The following LYST variants were observed in gnomAD, a reference collection of about 807,000 sequenced individuals.
The protein encoded by LYST is lysosomal-trafficking regulator.
In LYST, 192 loss-of-function variants were observed where a neutral mutation model predicts 413.6. The observed-to-expected ratio is 0.46, with a 90% CI of 0.41 to 0.52. LYST has a LOEUF of 0.52. LYST is among the 20% of genes least tolerant of loss of function. The pLI is 0.00. For missense variants in LYST, 3,815 were observed against 4,499.9 expected (o/e 0.85, Z 4.35); for synonymous variants, 1,525 against 1,567.3 (o/e 0.97, Z 0.64).
intron 1 of LYST, among the ~76,000 whole-genome samples, chr1:235,849,426 A>G (rs755423191): frequency 6.6e-6 from 1 of 152,144 alleles, no homozygotes; most frequent in African/African-American, 2.4e-5. Flanking sequence ...AATGGGGAAA[A>G]GTTGAAAGCA....
intron 1 of LYST, among the ~76,000 whole-genome samples, chr1:235,856,117 C>A (rs1235581430): frequency 6.6e-6 from 1 of 152,072 alleles, no homozygotes; most frequent in African/African-American, 2.4e-5. Context: ...TTCCCTACCA[C>A]ACTGGGTAGT....
At chr1:235,713,985 C>T (rs1290189924) in intron 42 of LYST, among the ~76,000 whole-genome samples, 1 of 152,138 alleles carries the variant, frequency 6.6e-6, no homozygotes, top group Non-Finnish European at 1.5e-5. Flanking sequence ...TCTTGGGCTA[C>T]ATTAAATGAA....
chr1:235,669,768 T>C (rs866711886), intron 50 of LYST, among the ~76,000 whole-genome samples: 3 of 152,208 alleles, frequency 2.0e-5, no homozygotes, highest in African/African-American at 7.2e-5. Context: ...GTACTTTCAT[T>C]TTCAATAAAT....
At chr1:235,679,663 C>T (rs1203332179) in intron 48 of LYST, among the ~76,000 whole-genome samples, 2 of 152,032 alleles carry the variant, frequency 1.3e-5, no homozygotes, top group Non-Finnish European at 2.9e-5. Flanking sequence ...ACCACACCAG[C>T]CTGGGGCCAC....
chr1:235,784,948 A>T (rs921054460), intron 14 of LYST, among the ~76,000 whole-genome samples: 2 of 152,228 alleles, frequency 1.3e-5, no homozygotes, highest in Non-Finnish European at 2.9e-5. Flanking sequence ...TACATTTTTT[A>T]AAATGAATAC....
intron 10 of LYST, among the ~76,000 whole-genome samples, chr1:235,798,724 C>G (rs139269899): frequency 7.5e-4 from 114 of 151,244 alleles, no homozygotes; most frequent in African/African-American, 2.7e-3. Flanking sequence ...AAGCATCATG[C>G]TATGTGAAAG....
chr1:235,848,478 G>A (rs1027412645), intron 1 of LYST, among the ~76,000 whole-genome samples: 8 of 151,588 alleles, frequency 5.3e-5, no homozygotes, highest in Non-Finnish European at 1.2e-4. Context: ...AGAGAAACTA[G>A]AACAAAGCAA....
chr1:235,761,883 T>C (rs994244899), intron 22 of LYST, among the ~76,000 whole-genome samples: 5 of 148,568 alleles, frequency 3.4e-5, no homozygotes, highest in African/African-American at 1.0e-4. Flanking sequence ...GTTTCTCTGG[T>C]TGGCTGGAGG....
chr1:235,669,932 A>G (rs1658797430), intron 50 of LYST, among the ~76,000 whole-genome samples: 1 of 152,186 alleles, frequency 6.6e-6, no homozygotes, highest in Non-Finnish European at 1.5e-5. Flanking sequence ...GGATTGACCT[A>G]TGTAACAAAA....
intron 1 of LYST, among the ~76,000 whole-genome samples, chr1:235,866,488 C>T (rs764306146): frequency 2.6e-5 from 4 of 152,242 alleles, no homozygotes; most frequent in Non-Finnish European, 4.4e-5. Context: ...GGTAGCAACA[C>T]ACCGCCGTCA....
At chr1:235,738,633 A>T in intron 31 of LYST, 2 of 1,608,020 alleles carry the variant, frequency 1.2e-6, no homozygotes, top group Non-Finnish European at 1.7e-6. Context: ...TGTCTCCCTC[A>T]AGACTCTGCA....
At chr1:235,860,108 TCCC>T (rs1462960483) in intron 1 of LYST, among the ~76,000 whole-genome samples, 1 of 152,082 alleles carries the variant, frequency 6.6e-6, no homozygotes, top group Non-Finnish European at 1.5e-5. Context: ...TACCTTCCTC[TCCC>T]CCCATTTTTA....
Position 235,759,378 on chromosome 1 carries a change from C to A in LYST, c.6475G>T (p.Gly2159Cys), listed in dbSNP as rs779154700. 2 of 1,613,982 alleles carry A rather than the reference C, an allele frequency of 1.2e-6. No homozygotes were observed. The highest frequency in any genetic ancestry group is 3.3e-5 in the Admixed American group (2 of 59,992). Reference protein sequence around the residue: ...SLGSSDTLKKGKEDAFISSCE... With the variant: ...SLGSSDTLKKCKEDAFISSCE... The stretch of plus-strand genomic sequence containing the variant: ...CTACTGATGAATGCGTCCTCTTTGC[C>A]TTTTTTCAGTGTGTCGGAACTCCCC... Residue 2159 changes from glycine (G) to cysteine (C), a missense_variant, in exon 23 of 53, where the codon GGC becomes TGC. Coordinates refer to ENST00000389793, the MANE Select transcript of LYST (RefSeq NM_000081.4).
At position 235,777,055 on chromosome 1, in the gene LYST, A is replaced by T. The variant is rs1255518809; in HGVS notation, c.5460+8T>A. The T allele has an allele frequency of 1.2e-6, 2 of 1,612,604 alleles. No individual in the cohort carries two copies. The highest frequency in any genetic ancestry group is 1.7e-5 in the Admixed American group (1 of 60,002). On this transcript the variant is annotated splice_region_variant and intron_variant, in intron 17 of 52. Transcript: ENST00000389793. ...TCTTTAGACAAAACTATAAGCAGTG[A>T]TTCTTACCCTGGCAAAGAGAAAAAC...
chr1:235,807,880 G>A (rs977312156), intron 5 of LYST, among the ~76,000 whole-genome samples: 2 of 151,842 alleles, frequency 1.3e-5, no homozygotes, highest in Non-Finnish European at 2.9e-5. Context: ...TAGTGCCTCT[G>A]CCTCAATAAT....
chr1:235,711,762 A>G lies in LYST; in HGVS notation c.9925+295T>C. On this transcript the variant is annotated intron_variant, in intron 43 of 52. Transcript: ENST00000389793. ...TTTTTAAAGTAATTAGCACATTATA[A>G]CTTTTGTATTCAGAAAAAAGAATAA... 2.0e-5 allele frequency among the ~76,000 whole-genome samples: 3 copies of G among 152,268 alleles called. No homozygotes were observed. The South Asian group carries it at 6.2e-4, about 32-fold the overall frequency.
In LYST at chr1:235,759,333, C is replaced by A. The variant is rs776351504; in HGVS notation, c.6520G>T (p.Val2174Phe). The change falls in exon 23 of 53, where the codon GTT (valine) becomes TTT (phenylalanine). Residue 2174 changes from valine to phenylalanine, a missense_variant. This residue lies in a region of LYST where 771 missense variants were observed against 837.1 expected (regional missense o/e 0.92). Transcript: ENST00000389793. ...FISSCESAKT[V>F]CEMEAVLSAQ... is the part of the protein sequence containing the mutation. ...GAGAGGACAGCTTCCATTTCACAAA[C>A]AGTTTTTGCAGACTCACAGCTACTG... The A allele has an allele frequency of 1.9e-6, 3 of 1,614,150 alleles. No individual in the cohort carries two copies. The highest frequency in any genetic ancestry group is 2.2e-5 in the East Asian group (1 of 44,886).
chr1:235,683,466 C>G (rs1427458545), intron 48 of LYST, among the ~76,000 whole-genome samples: 1 of 152,242 alleles, frequency 6.6e-6, no homozygotes, highest in Non-Finnish European at 1.5e-5. Context: ...TCTCCTCTAA[C>G]ATTTAAATGG....
Position 235,805,666 on chromosome 1 carries a change from T to C in LYST, c.3393+77A>G, listed in dbSNP as rs112086468. 0.013 allele frequency: 8,889 copies of C among 688,876 alleles called. 574 individuals are homozygous for C. In the African/African-American group the frequency reaches 0.14, roughly 11 times the overall value. The allele number at this position is 688,876 out of a possible 1,614,324, so 42.7% of individuals were successfully genotyped here. Reference sequence around the variant, plus strand: ...CATATATTATGTAATACATATTACATTTTTTATATATATATGTGTGTGTGT... The same window carrying C: ...CATATATTATGTAATACATATTACACTTTTTATATATATATGTGTGTGTGT... On this transcript the variant is annotated intron_variant, in intron 6 of 52. Transcript: ENST00000389793.
Sources: allele counts gnomAD v4.1 joint callset (sites outside exome capture counted in the v4.1 genomes callset), GRCh38; gene constraint gnomAD v4.1.1; regional missense constraint gnomAD v4.1.1; transcripts MANE v1.5; gene names NCBI Gene and HGNC (gene_info 2026-07-23, HGNC 2026-07-21).